The following DNAH14 variants were observed in gnomAD, a reference collection of about 807,000 sequenced individuals.
The protein encoded by DNAH14 is axonemal beta dynein heavy chain 14.
Under a neutral mutation model 520.9 loss-of-function variants are expected in DNAH14, and 478 were observed. The ratio of observed to expected loss-of-function variants is 0.92; its 90% CI spans 0.85 to 0.99. DNAH14 has a LOEUF of 0.99. Among genes scored for constraint, DNAH14 ranks in the 50% least tolerant of loss-of-function variants. The pLI is 0.00. For synonymous variants in DNAH14, 1,581 were observed against 1,757.2 expected, an observed-to-expected ratio of 0.90 and a Z score of 2.51; for missense variants, 4,831 against 5,234.5, an observed-to-expected ratio of 0.92 and a Z score of 2.38.
intron 16 of DNAH14, among the ~76,000 whole-genome samples, chr1:225,051,196 C>T (rs1558793277): frequency 6.6e-6 from 1 of 152,188 alleles, no homozygotes; most frequent in Non-Finnish European, 1.5e-5. Flanking sequence ...GTTTCCAGTA[C>T]ATGGCTCAAA....
intron 26 of DNAH14, among the ~76,000 whole-genome samples, chr1:225,121,599 G>C (rs981670218): frequency 6.6e-6 from 1 of 151,962 alleles, no homozygotes; most frequent in Non-Finnish European, 1.5e-5. Context: ...CCTCTTTTTT[G>C]GGAGGCCGAG....
At chr1:225,324,447 G>T (rs1031416692) in intron 63 of DNAH14, 94 bp downstream of exon 63, 1 of 1,448,412 alleles carries the variant, frequency 6.9e-7, no homozygotes, top group African/African-American at 1.4e-5. Flanking sequence ...AAATGAACTT[G>T]AGTGGAAAGG....
chr1:225,344,993 G>A (rs1485057342), intron 69 of DNAH14, among the ~76,000 whole-genome samples: 3 of 152,090 alleles, frequency 2.0e-5, no homozygotes, highest in Non-Finnish European at 4.4e-5. Context: ...GATTACAGGT[G>A]TGAGCCACCA....
intron 77 of DNAH14, among the ~76,000 whole-genome samples, chr1:225,370,662 C>A: frequency 6.6e-6 from 1 of 151,794 alleles, no homozygotes; most frequent in African/African-American, 2.4e-5. Flanking sequence ...TTAAAGAAAA[C>A]ATACAGGAAA....
At chr1:225,117,189 A>G (rs946869323) in intron 23 of DNAH14, among the ~76,000 whole-genome samples, 1 of 152,074 alleles carries the variant, frequency 6.6e-6, no homozygotes, top group African/African-American at 2.4e-5. Context: ...TATAGAAAGG[A>G]GTGAGAAATA....
chr1:225,337,223 A>G, intron 66 of DNAH14, 43 bp from the exon 67 acceptor site: 2 of 1,472,000 alleles, frequency 1.4e-6, no homozygotes, highest in Non-Finnish European at 1.9e-6. Flanking sequence ...AAAGATGTGA[A>G]GACATTTACA....
At chr1:225,095,863 G>C (rs1023017839) in intron 21 of DNAH14, among the ~76,000 whole-genome samples, 19 of 152,238 alleles carry the variant, frequency 1.2e-4, no homozygotes, top group African/African-American at 4.6e-4. Context: ...AATTCCAACA[G>C]GACACAAAGA....
chr1:224,935,213 A>G (rs180741633), intron 1 of DNAH14, among the ~76,000 whole-genome samples: 2 of 152,092 alleles, frequency 1.3e-5, no homozygotes, highest in Admixed American at 1.3e-4. Context: ...AAAACAATTC[A>G]CAATATGACA....
chr1:225,370,155 G>C lies in DNAH14; in HGVS notation c.12318+2123G>C, dbSNP rs148480254. On this transcript the variant is annotated intron_variant, in intron 77 of 85. Coordinates refer to ENST00000682510, the MANE Select transcript of DNAH14 (RefSeq NM_001367479.1). ...AAACAAAAATTAGCCTGGCGTGGTG[G>C]CACATGCCTATAATCCCAGCTACTC... 2.2e-3 allele frequency among the ~76,000 whole-genome samples: 330 copies of C among 152,286 alleles called. 1 individual carries two copies. The highest frequency in any genetic ancestry group is 7.3e-3 in the African/African-American group (303 of 41,566).
chr1:225,204,768 C>T (rs2149415815), intron 39 of DNAH14, among the ~76,000 whole-genome samples: 1 of 152,190 alleles, frequency 6.6e-6, no homozygotes, highest in East Asian at 1.9e-4. Flanking sequence ...GGAGCACTGA[C>T]CATTGCTTTC....
intron 48 of DNAH14, among the ~76,000 whole-genome samples, chr1:225,266,148 T>G (rs1276964500): frequency 6.6e-6 from 1 of 152,154 alleles, no homozygotes; most frequent in Non-Finnish European, 1.5e-5. Context: ...TTCTGCTTGT[T>G]GTTCATAACA....
At chr1:225,087,033 C>G (rs1350753112) in intron 21 of DNAH14, among the ~76,000 whole-genome samples, 3 of 122,678 alleles carry the variant, frequency 2.4e-5, no homozygotes, top group East Asian at 2.6e-4. Flanking sequence ...CACACACACA[C>G]ACAGCCTTCT....
chr1:225,255,302 C>G (rs2092696065), intron 44 of DNAH14, among the ~76,000 whole-genome samples: 2 of 152,118 alleles, frequency 1.3e-5, no homozygotes. Flanking sequence ...GCTACAATAT[C>G]CATTTAAAGA....
At chr1:224,986,726 C>A (rs548787984) in intron 8 of DNAH14, among the ~76,000 whole-genome samples, 34 of 152,140 alleles carry the variant, frequency 2.2e-4, no homozygotes, top group Non-Finnish European at 4.3e-4. Flanking sequence ...CATTGTTGTA[C>A]TGAATGTGGA....
intron 8 of DNAH14, among the ~76,000 whole-genome samples, chr1:224,975,976 G>T (rs9426160): frequency 6.6e-6 from 1 of 151,234 alleles, no homozygotes; most frequent in Non-Finnish European, 1.5e-5. Context: ...CCTTCATTTC[G>T]TTATGTACCC....
At chr1:225,332,639 GTTA>G (rs1179423226) in intron 65 of DNAH14, among the ~76,000 whole-genome samples, 14 of 152,028 alleles carry the variant, frequency 9.2e-5, no homozygotes, top group Admixed American at 3.3e-4. Context: ...TGTTGTTGCT[GTTA>G]TTATTGTTGT....
intron 42 of DNAH14, among the ~76,000 whole-genome samples, chr1:225,231,940 A>G (rs1262881392): frequency 6.6e-6 from 1 of 152,152 alleles, no homozygotes; most frequent in South Asian, 2.1e-4. Flanking sequence ...AAATAACAAT[A>G]CCATAATCAC....
At chr1:225,366,782 G>A (rs769847406) in intron 76 of DNAH14, among the ~76,000 whole-genome samples, 3 of 150,226 alleles carry the variant, frequency 2.0e-5, no homozygotes, top group Non-Finnish European at 4.4e-5. Context: ...CACTCCAGGG[G>A]TTGTAAAAAC....
At position 225,087,440 on chromosome 1, in the gene DNAH14, G is replaced by A. The variant is rs570871268; in HGVS notation, c.3573+1651G>A. ...GAGTTTCAATATGGGTTTTGGAGGG[G>A]ACATTCAAACCACAGCACCGGCTTG... On this transcript the variant is annotated intron_variant, in intron 21 of 85. Coordinates refer to ENST00000682510, the MANE Select transcript of DNAH14 (RefSeq NM_001367479.1). 5.9e-5 allele frequency among the ~76,000 whole-genome samples: 9 copies of A among 152,322 alleles called. No homozygotes were observed. In the East Asian group the frequency reaches 1.5e-3, roughly 26 times the overall value.
Sources: allele counts gnomAD v4.1 joint callset (sites outside exome capture counted in the v4.1 genomes callset), GRCh38; gene constraint gnomAD v4.1.1; transcripts MANE v1.5; gene names NCBI Gene and HGNC (gene_info 2026-07-23, HGNC 2026-07-21).